CCDC7: variants seen among roughly 807,000 people sequenced by gnomAD.
The protein encoded by CCDC7 is coiled-coil domain-containing protein 7.
Under a neutral mutation model 196.9 loss-of-function variants are expected in CCDC7, and 183 were observed. That is an observed-to-expected ratio of 0.93 (90% confidence interval 0.82 to 1.05). The LOEUF (loss-of-function observed/expected upper bound fraction) is 1.05, where lower values mean the gene tolerates loss of function less well. Among genes scored for constraint, CCDC7 ranks in the 50% least tolerant of loss-of-function variants. The probability of loss-of-function intolerance (pLI) is 0.00; values close to 1 mark genes in which losing one functional copy is unlikely to be tolerated. For synonymous variants in CCDC7, 525 were observed against 484.6 expected, an observed-to-expected ratio of 1.08 and a Z score of -1.10; for missense variants, 1,540 against 1,482.2, an observed-to-expected ratio of 1.04 and a Z score of -0.64.
intron 33 of CCDC7, among the ~76,000 whole-genome samples, chr10:32,844,927 C>A (rs1309443881): frequency 6.6e-6 from 1 of 151,712 alleles, no homozygotes; most frequent in Non-Finnish European, 1.5e-5. Context: ...ATATTGAAAT[C>A]TGCTTTATTT....
At chr10:32,537,039 A>G (rs1420665474) in intron 11 of CCDC7, among the ~76,000 whole-genome samples, 1 of 152,300 alleles carries the variant, frequency 6.6e-6, no homozygotes, top group African/African-American at 2.4e-5. Flanking sequence ...GCTGGGTCAA[A>G]TAGTTATTCT....
chr10:32,869,298 C>T (rs1335761913), intron 41 of CCDC7, among the ~76,000 whole-genome samples: 3 of 152,076 alleles, frequency 2.0e-5, no homozygotes, highest in Non-Finnish European at 2.9e-5. Context: ...GTGGTTTTGA[C>T]TTGCATTTCT....
chr10:32,469,915 C>G (rs1175368912), intron 5 of CCDC7, among the ~76,000 whole-genome samples: 1 of 152,110 alleles, frequency 6.6e-6, no homozygotes, highest in Non-Finnish European at 1.5e-5. Flanking sequence ...CTATCACAGA[C>G]AAGACAATGA....
At chr10:32,519,520 C>A (rs571774357) in intron 11 of CCDC7, among the ~76,000 whole-genome samples, 6 of 151,996 alleles carry the variant, frequency 3.9e-5, no homozygotes, top group Non-Finnish European at 8.8e-5. Context: ...TTGTTTAATG[C>A]GTAGAAACTT....
In CCDC7 at chr10:32,647,650, T is replaced by C. The variant is rs539291422; in HGVS notation, c.2014+12492T>C. Among the ~76,000 whole-genome samples the C allele has an allele frequency of 1.2e-4, 19 of 152,302 alleles. No homozygotes were observed. The South Asian group carries it at 3.9e-3, about 32-fold the overall frequency. ...TATGTCTTTTTTTGATAAGTGTCTG[T>C]TCATGTCTGTTGCCCATTTTCAATG... On this transcript the variant is annotated intron_variant, in intron 20 of 41. Transcript: ENST00000639629.
rs186075956 is a variant in CCDC7 at position 32,812,891 on chromosome 10, C to T, written c.3098-1479C>T. Among the ~76,000 whole-genome samples the T allele has an allele frequency of 1.6e-3, 241 of 152,148 alleles. 1 individual carries two copies. Among genetic ancestry groups the T allele is most frequent in the African/African-American group, 5.5e-3 (228 of 41,520 alleles). On this transcript the variant is annotated intron_variant, in intron 30 of 41. Transcript: ENST00000639629. ...ACAAAGGAAGCTAAAATACATCTGCCGATGTTTCCAGTTTTGAGTCGCTAT... is the reference window on the plus strand; with the variant it reads ...ACAAAGGAAGCTAAAATACATCTGCTGATGTTTCCAGTTTTGAGTCGCTAT...
At chr10:32,569,081 C>T (rs2057243569) in intron 15 of CCDC7, among the ~76,000 whole-genome samples, 1 of 152,218 alleles carries the variant, frequency 6.6e-6, no homozygotes, top group African/African-American at 2.4e-5. Flanking sequence ...ATTGCTTTCA[C>T]ATAAGTGATT....
intron 20 of CCDC7, among the ~76,000 whole-genome samples, chr10:32,636,221 TTTTTTTA>T (rs1025005490): frequency 9.2e-5 from 14 of 152,226 alleles, no homozygotes; most frequent in Non-Finnish European, 1.6e-4. Context: ...ATTTAGTTCT[TTTTTTTA>T]TTTTTTATTT....
chr10:32,461,699 G>A (rs2035662950), intron 3 of CCDC7, among the ~76,000 whole-genome samples: 3 of 47,774 alleles, frequency 6.3e-5, no homozygotes, highest in African/African-American at 1.2e-4. Context: ...ATATGTGTGT[G>A]TGTGTGTGTG....
intron 8 of CCDC7, among the ~76,000 whole-genome samples, chr10:32,481,459 GT>G (rs1301123733): frequency 6.6e-6 from 1 of 152,008 alleles, no homozygotes; most frequent in East Asian, 1.9e-4. Flanking sequence ...TGTTTTTGAT[GT>G]TATAATTCAC....
At chr10:32,709,906 C>G (rs1280435756) in intron 24 of CCDC7, among the ~76,000 whole-genome samples, 1 of 152,100 alleles carries the variant, frequency 6.6e-6, no homozygotes, top group Non-Finnish European at 1.5e-5. Context: ...TGCTCTCACT[C>G]TCAAGCAAGA....
At chr10:32,857,613 A>G (rs1467874212) in intron 41 of CCDC7, among the ~76,000 whole-genome samples, 1 of 152,148 alleles carries the variant, frequency 6.6e-6, no homozygotes, top group African/African-American at 2.4e-5. Context: ...ATCAAAATCT[A>G]TGGGAAGCAG....
chr10:32,655,946 A>AT (rs2069751873), intron 20 of CCDC7, among the ~76,000 whole-genome samples: 1 of 152,114 alleles, frequency 6.6e-6, no homozygotes, highest in Non-Finnish European at 1.5e-5. Context: ...ACGTATTTTG[A>AT]CTATTAACTC....
chr10:32,797,229 A>G (rs567650167), intron 29 of CCDC7, among the ~76,000 whole-genome samples: 3 of 148,990 alleles, frequency 2.0e-5, no homozygotes, highest in Admixed American at 6.7e-5. Flanking sequence ...ACACATATAT[A>G]TGTGTATATA....
At chr10:32,676,188 A>AAAGCTGAAACAGG (rs373621954) in intron 21 of CCDC7, among the ~76,000 whole-genome samples, 1 of 35,496 alleles carries the variant, frequency 2.8e-5, no homozygotes, top group African/African-American at 6.3e-5. Flanking sequence ...CCATATGTAG[A>AAAGCTGAAACAGG]ATCCCTTCCT....
intron 18 of CCDC7, among the ~76,000 whole-genome samples, chr10:32,629,819 A>AC (rs2064587127): frequency 6.6e-6 from 1 of 152,142 alleles, no homozygotes; most frequent in South Asian, 2.1e-4. Context: ...GGGGACTCCA[A>AC]CCTCTTTTCA....
intron 41 of CCDC7, among the ~76,000 whole-genome samples, chr10:32,867,459 C>T (rs145597567): frequency 1.9e-3 from 290 of 150,994 alleles, no homozygotes; most frequent in Middle Eastern, 0.014. Context: ...GCAAAAAGGA[C>T]AGAATAAAAC....
upstream of CCDC7, among the ~76,000 whole-genome samples, chr10:32,449,408 G>GA (rs2032377430): frequency 6.6e-6 from 1 of 152,034 alleles, no homozygotes; most frequent in Admixed American, 6.5e-5. Flanking sequence ...GGCTGGTCTC[G>GA]AACTCCTGAC....
intron 21 of CCDC7, 24 bp downstream of exon 22, chr10:32,664,185 C>A (rs896372317): frequency 7.6e-6 from 3 of 393,014 alleles, no homozygotes; most frequent in African/African-American, 6.2e-5. Flanking sequence ...TTGTAGATAA[C>A]CTTAAAATAA....
Sources: gnomAD v4.1 joint callset for allele counts (sites outside exome capture counted in the v4.1 genomes callset) on GRCh38, gnomAD v4.1.1 for gene constraint, MANE v1.5 for transcripts, NCBI Gene and HGNC (gene_info 2026-07-23, HGNC 2026-07-21) for gene names.